TRIM37: variants seen among roughly 807,000 people sequenced by gnomAD.
The protein encoded by TRIM37 is tripartite motif containing 37.
Under a neutral mutation model 129.8 loss-of-function variants are expected in TRIM37, and 80 were observed. The observed-to-expected ratio is 0.62, with a 90% CI of 0.51 to 0.74. TRIM37 has a LOEUF of 0.74. Among genes scored for constraint, TRIM37 ranks in the 30% least tolerant of loss-of-function variants. The pLI, the probability that TRIM37 is intolerant of heterozygous loss-of-function variation, is 0.00. For synonymous variants in TRIM37, 389 were observed against 387.1 expected, an observed-to-expected ratio of 1.00 and a Z score of -0.06; for missense variants, 1,054 against 1,176.5, an observed-to-expected ratio of 0.90 and a Z score of 1.52.
At chr17:58,975,604 A>G in the TRIM37 span, among the ~76,000 whole-genome samples, 1,304 of 152,326 alleles carry the variant, frequency 8.6e-3, 19 homozygotes, top group African/African-American at 0.029. Flanking sequence ...AAATATAAAT[A>G]CACAGGGGTT....
chr17:59,096,831 T>C (rs2044933197), intron 2 of TRIM37, among the ~76,000 whole-genome samples: 1 of 152,342 alleles, frequency 6.6e-6, no homozygotes, highest in South Asian at 2.1e-4. Context: ...ATATGTGGTC[T>C]GGGAGTTTAA....
intron 17 of TRIM37, among the ~76,000 whole-genome samples, chr17:59,041,190 A>G (rs1371594055): frequency 6.6e-6 from 1 of 152,200 alleles, no homozygotes; most frequent in East Asian, 1.9e-4. Context: ...ACAAAAAAGT[A>G]CTCATTATAT....
chr17:59,051,769 C>T lies in TRIM37; in HGVS notation c.1200-441G>A, dbSNP rs868116928. Reference sequence around the variant, plus strand: ...TTTTTGAGACGGAGTCTCGCTCTGTCGCCCAGGCTGGAGTGCAGTGGCGGG... The same window carrying T: ...TTTTTGAGACGGAGTCTCGCTCTGTTGCCCAGGCTGGAGTGCAGTGGCGGG... On this transcript the variant is annotated intron_variant, in intron 13 of 23. Transcript: ENST00000262294. Among the ~76,000 whole-genome samples, 542 of 151,000 alleles carry T rather than the reference C, an allele frequency of 3.6e-3. 6 individuals are homozygous for T. Among genetic ancestry groups the T allele is most frequent in the African/African-American group, 0.013 (529 of 41,154 alleles).
At chr17:59,046,008 T>C (rs1023137672) in intron 16 of TRIM37, among the ~76,000 whole-genome samples, 2 of 150,454 alleles carry the variant, frequency 1.3e-5, no homozygotes, top group Non-Finnish European at 3.0e-5. Flanking sequence ...AGAGCAAGAC[T>C]CCATCTCAAA....
intron 16 of TRIM37, among the ~76,000 whole-genome samples, chr17:59,046,246 A>G (rs781275623): frequency 3.3e-5 from 5 of 152,190 alleles, no homozygotes; most frequent in Non-Finnish European, 7.3e-5. Flanking sequence ...AGTCCCATAC[A>G]TAAGATACTT....
intron 20 of TRIM37, 62 bp downstream of exon 20, chr17:59,017,234 A>G: frequency 9.4e-6 from 15 of 1,590,826 alleles, no homozygotes; most frequent in Non-Finnish European, 1.2e-5. Context: ...CCACGATAAC[A>G]TCAATTTCAG....
At chr17:59,070,276 C>G (rs2042253495) in intron 9 of TRIM37, among the ~76,000 whole-genome samples, 3 of 152,194 alleles carry the variant, frequency 2.0e-5, no homozygotes, top group Admixed American at 2.0e-4. Flanking sequence ...TTTCCTCTCT[C>G]TATCTTTTAG....
chr17:59,004,287 CAT>C (rs1031615681), intron 22 of TRIM37, among the ~76,000 whole-genome samples: 3 of 151,962 alleles, frequency 2.0e-5, no homozygotes, highest in African/African-American at 4.8e-5. Flanking sequence ...ACAAATAAAA[CAT>C]ATCAAAATTT....
At chr17:58,997,906 C>A (rs955654909), downstream of TRIM37, among the ~76,000 whole-genome samples, 6 of 152,130 alleles carry the variant, frequency 3.9e-5, 1 homozygote, top group South Asian at 1.2e-3. Flanking sequence ...CCCGACATCA[C>A]CAAGGAACTC....
chr17:59,061,362 T>C lies in TRIM37; in HGVS notation c.943-254A>G, dbSNP rs140668966. Among the ~76,000 whole-genome samples, 195 of 151,958 alleles carry C rather than the reference T, an allele frequency of 1.3e-3. 2 individuals carry two copies. The Middle Eastern group carries it at 0.017, about 13-fold the overall frequency. On this transcript the variant is annotated intron_variant, in intron 11 of 23. Transcript: ENST00000262294. ...AACAAAGGTTAAGAGTTTTAACATA[T>C]ATAGAACTCTTACAAATCAACCTTA...
chr17:59,050,775 C>A lies in TRIM37; in HGVS notation c.1314+439G>T, dbSNP rs140645048. 2.6e-3 allele frequency among the ~76,000 whole-genome samples: 392 copies of A among 152,194 alleles called. 6 individuals carry two copies. Among genetic ancestry groups the A allele is most frequent in the Non-Finnish European group, 1.8e-3 (125 of 67,996 alleles). ...TGGGCAGATCACGAGGTCAGGACAT[C>A]GAGACCATCCTGGCTAACACTGTGA... On this transcript the variant is annotated intron_variant, in intron 14 of 23. Coordinates refer to ENST00000262294, the MANE Select transcript of TRIM37 (RefSeq NM_015294.6).
At chr17:59,095,608 G>A (rs757774223) in intron 2 of TRIM37, among the ~76,000 whole-genome samples, 20 of 152,208 alleles carry the variant, frequency 1.3e-4, no homozygotes, top group Non-Finnish European at 2.6e-4. Flanking sequence ...CTAGGAGGCC[G>A]ATCATAGAGG....
At chr17:58,978,611 G>A (rs1419720365), downstream of TRIM37, among the ~76,000 whole-genome samples, 2 of 152,014 alleles carry the variant, frequency 1.3e-5, no homozygotes, top group Admixed American at 1.3e-4. Context: ...CTCCGGAGGC[G>A]GAGGCAGGAG....
intron 13 of TRIM37, among the ~76,000 whole-genome samples, chr17:59,053,518 T>C (rs182548716): frequency 6.6e-6 from 1 of 152,208 alleles, no homozygotes; most frequent in Non-Finnish European, 1.5e-5. Flanking sequence ...ATATTTTTCT[T>C]ATTAGCAACT....
chr17:59,014,406 CATCCATAGCCAAT>C (rs2035651896), intron 21 of TRIM37, among the ~76,000 whole-genome samples: 1 of 152,166 alleles, frequency 6.6e-6, no homozygotes, highest in Non-Finnish European at 1.5e-5. Context: ...TCATCTGCCA[CATCCATAGCCAAT>C]ATCCATAATC....
At chr17:59,096,762 T>C (rs1015270104) in intron 2 of TRIM37, among the ~76,000 whole-genome samples, 1 of 152,170 alleles carries the variant, frequency 6.6e-6, no homozygotes, top group Non-Finnish European at 1.5e-5. Context: ...ATCAGAGATA[T>C]CATTATTGAC....
At chr17:58,981,394 A>G (rs1481878191), downstream of TRIM37, 1 of 174,080 alleles carries the variant, frequency 5.7e-6, no homozygotes, top group Non-Finnish European at 1.2e-5. Context: ...CAGTGTTGAA[A>G]TCTCAATGCA....
At chr17:59,002,724 CAAAG>C (rs1268551715) in intron 22 of TRIM37, among the ~76,000 whole-genome samples, 2 of 152,028 alleles carry the variant, frequency 1.3e-5, no homozygotes, top group Admixed American at 1.3e-4. Context: ...GTGTCAGAAA[CAAAG>C]AAAGATAAGG....
chr17:59,012,520 G>A, intron 21 of TRIM37, 74 bp from the exon 22 acceptor site: 1 of 1,032,288 alleles, frequency 9.7e-7, no homozygotes, highest in Admixed American at 1.7e-5. Context: ...TTTGAACTGA[G>A]CACCAAACTA....
Sources: gnomAD v4.1 joint callset for allele counts (sites outside exome capture counted in the v4.1 genomes callset) on GRCh38, gnomAD v4.1.1 for gene constraint, MANE v1.5 for transcripts, NCBI Gene and HGNC (gene_info 2026-07-23, HGNC 2026-07-21) for gene names.